The following BCAS3 variants were observed in gnomAD, a reference collection of about 807,000 sequenced individuals.
BCAS3 encodes BCAS3 microtubule associated cell migration factor, also known as BCAS4/BCAS3 fusion.
A neutral mutation model predicts 116.1 loss-of-function variants in BCAS3; 53 were observed. That is an observed-to-expected ratio of 0.46 (90% CI 0.37 to 0.57). The LOEUF (loss-of-function observed/expected upper bound fraction) is 0.57, where lower values mean the gene tolerates loss of function less well. Among genes scored for constraint, BCAS3 ranks in the 20% least tolerant of loss-of-function variants. The pLI, the probability that BCAS3 is intolerant of heterozygous loss-of-function variation, is 0.00. For missense variants in BCAS3, 917 were observed against 1,165.4 expected, an observed-to-expected ratio of 0.79 and a Z score of 3.10; for synonymous variants, 391 against 408.2, an observed-to-expected ratio of 0.96 and a Z score of 0.51.
rs1471983767 is a variant in BCAS3 at position 60,964,199 on chromosome 17, AG to A, written c.1221+16848del. Among the ~76,000 whole-genome samples, 2 of 152,072 alleles carry A rather than the reference AG, an allele frequency of 1.3e-5. No individual in the cohort carries two copies. Among genetic ancestry groups the A allele is most frequent in the African/African-American group, 4.8e-5 (2 of 41,412 alleles). ...TCATATATGGTCTTTATTATTTTGA[AG>A]TATGTTGTTTCTATACCCATTTTGA... is the stretch of plus-strand genomic sequence containing the variant. On this transcript the variant is annotated intron_variant, in intron 14 of 23. Transcript: ENST00000407086. The surrounding 1 kb of genome is among the most constrained non-coding windows in gnomAD (Gnocchi z 4.6).
In BCAS3 at chr17:61,199,984, T is replaced by A. The variant is rs2080728798; in HGVS notation, c.2425+115420T>A. Among the ~76,000 whole-genome samples, 1 of 152,186 alleles carries A rather than the reference T, an allele frequency of 6.6e-6. No homozygotes were observed. The highest frequency in any genetic ancestry group is 1.5e-5 in the Non-Finnish European group (1 of 68,028). On this transcript the variant is annotated intron_variant, in intron 22 of 23. Coordinates refer to ENST00000407086, the MANE Select transcript of BCAS3 (RefSeq NM_017679.5). The surrounding 1 kb of genome is among the most constrained non-coding windows in gnomAD (Gnocchi z 4.6). ...TCCACAACATTCAAGCCTTGTTATA[T>A]AAGGAAATTGGAAACACCAATTTTG...
rs1403095973 is a variant in BCAS3 at position 61,126,537 on chromosome 17, T to C, written c.2425+41973T>C. Among the ~76,000 whole-genome samples the C allele has an allele frequency of 2.0e-5, 3 of 152,350 alleles. No homozygotes were observed. The highest frequency in any genetic ancestry group is 4.4e-5 in the Non-Finnish European group (3 of 68,022). ...GCCCACCCAAGGATTATGTCTGTTT[T>C]ATAAAGATGTGTTTATATAGTCATT... On this transcript the variant is annotated intron_variant, in intron 22 of 23. Coordinates refer to ENST00000407086, the MANE Select transcript of BCAS3 (RefSeq NM_017679.5). This position sits in a 1 kb window ranked among gnomAD's most constrained non-coding sequence, Gnocchi z 4.6.
Position 61,017,319 on chromosome 17 carries a change from T to C in BCAS3, c.1637+1418T>C, listed in dbSNP as rs1266289496. 6.6e-6 allele frequency among the ~76,000 whole-genome samples: 1 copy of C among 152,158 alleles called. No individual in the cohort carries two copies. Among genetic ancestry groups the C allele is most frequent in the Non-Finnish European group, 1.5e-5 (1 of 68,006 alleles). On this transcript the variant is annotated intron_variant, in intron 16 of 23. Transcript: ENST00000407086. This position sits in a 1 kb window ranked among gnomAD's most constrained non-coding sequence, Gnocchi z 4.7. The stretch of plus-strand genomic sequence containing the variant: ...TGGGACTAAATCTGGAATCATAACT[T>C]TAAAGTTTCTTTTTTACTTACTGAA...
chr17:61,314,378 G>GCCAGAAAGGGAA (rs2054567881), intron 22 of BCAS3, among the ~76,000 whole-genome samples: 1 of 152,214 alleles, frequency 6.6e-6, no homozygotes, highest in African/African-American at 2.4e-5. Flanking sequence ...AAGTACAGAT[G>GCCAGAAAGGGAA]CCAGAAAGGG....
chr17:60,875,641 G>A (rs905400494), intron 9 of BCAS3, among the ~76,000 whole-genome samples: 14 of 151,898 alleles, frequency 9.2e-5, no homozygotes, highest in Middle Eastern at 3.2e-3. Flanking sequence ...TGTGTTTTTA[G>A]TCATCTTAAA....
At position 61,126,709 on chromosome 17, in the gene BCAS3, A is replaced by G. The variant is rs2076063948; in HGVS notation, c.2425+42145A>G. Among the ~76,000 whole-genome samples, 1 of 152,118 alleles carries G rather than the reference A, an allele frequency of 6.6e-6. No individual in the cohort carries two copies. Among genetic ancestry groups the G allele is most frequent in the African/African-American group, 2.4e-5 (1 of 41,408 alleles). ...CTGGGAAATGTATCCTTGGACTGAA[A>G]ATTGCATCCGGAAAAATGTTTATGT... On this transcript the variant is annotated intron_variant, in intron 22 of 23. Coordinates refer to ENST00000407086, the MANE Select transcript of BCAS3 (RefSeq NM_017679.5). The surrounding 1 kb of genome is among the most constrained non-coding windows in gnomAD (Gnocchi z 4.6).
rs2144831625 is a variant in BCAS3 at position 61,323,893 on chromosome 17, C to T, written c.2426-44434C>T. Among the ~76,000 whole-genome samples, 1 of 152,372 alleles carries T rather than the reference C, an allele frequency of 6.6e-6. No homozygotes were observed. The highest frequency in any genetic ancestry group is 2.4e-5 in the African/African-American group (1 of 41,586). On this transcript the variant is annotated intron_variant, in intron 22 of 23. Coordinates refer to ENST00000407086, the MANE Select transcript of BCAS3 (RefSeq NM_017679.5). The surrounding 1 kb of genome is among the most constrained non-coding windows in gnomAD (Gnocchi z 4.6). ...TTGGCTCCGTGTTTCTCGTCTTTCC[C>T]AGACGCTTCTTCCCTTCTTGTTTGC...
At chr17:61,045,045 G>T (rs2067916925) in intron 19 of BCAS3, among the ~76,000 whole-genome samples, 2 of 151,960 alleles carry the variant, frequency 1.3e-5, no homozygotes, top group South Asian at 4.1e-4. Flanking sequence ...ACAGGCATGA[G>T]CCACTGTGCC....
chr17:60,711,436 TTTGCTTCATTATGCTGTTTG>T (rs2037916803), intron 5 of BCAS3, among the ~76,000 whole-genome samples: 2 of 151,814 alleles, frequency 1.3e-5, no homozygotes, highest in African/African-American at 4.9e-5. Flanking sequence ...GAGACTACAT[TTTGCTTCATTATGCTGTTTG>T]TTGACAGTAC....
intron 6 of BCAS3, among the ~76,000 whole-genome samples, chr17:60,805,606 C>T (rs58413314): frequency 0.28 from 42,937 of 151,906 alleles, 11,650 homozygotes; most frequent in African/African-American, 0.72. Context: ...GGCAGGAGGA[C>T]TGCTTGAACT....
chr17:61,195,361 A>G (rs1270694791), intron 22 of BCAS3, among the ~76,000 whole-genome samples: 2 of 151,564 alleles, frequency 1.3e-5, no homozygotes, highest in African/African-American at 2.4e-5. Context: ...TACTCTCCCT[A>G]TTTCCTTTTA....
chr17:61,373,113 C>T (rs958948409), intron 23 of BCAS3, among the ~76,000 whole-genome samples: 5 of 148,754 alleles, frequency 3.4e-5, no homozygotes, highest in South Asian at 2.1e-4. Context: ...TTTTCTGAGA[C>T]GGAGTTTCGC....
chr17:60,736,668 G>A (rs78300649), intron 5 of BCAS3, among the ~76,000 whole-genome samples: 32 of 152,230 alleles, frequency 2.1e-4, no homozygotes, highest in African/African-American at 7.5e-4. Flanking sequence ...TATTTTGGAA[G>A]GTTATTAATT....
In BCAS3 at chr17:61,095,688, A is replaced by G. The variant is rs2073921384; in HGVS notation, c.2425+11124A>G. On this transcript the variant is annotated intron_variant, in intron 22 of 23. Transcript: ENST00000407086. The surrounding 1 kb of genome is among the most constrained non-coding windows in gnomAD (Gnocchi z 4.7). ...CACCATGTTGGCCAGGCTGGTCTTG[A>G]ACTTCTGAGCTCAAGTGATCTGCCC... 6.6e-6 allele frequency among the ~76,000 whole-genome samples: 1 copy of G among 152,044 alleles called. No homozygotes were observed. The highest frequency in any genetic ancestry group is 1.5e-5 in the Non-Finnish European group (1 of 68,016).
At chr17:61,345,559 G>T (rs188476068) in intron 22 of BCAS3, among the ~76,000 whole-genome samples, 4 of 152,104 alleles carry the variant, frequency 2.6e-5, no homozygotes, top group Non-Finnish European at 2.9e-5. Context: ...AGCAGGGAGC[G>T]CCTAGCTGTT....
At chr17:60,936,929 T>C (rs569084376) in intron 13 of BCAS3, among the ~76,000 whole-genome samples, 1 of 152,340 alleles carries the variant, frequency 6.6e-6, no homozygotes, top group East Asian at 1.9e-4. Flanking sequence ...CATGAAGTCT[T>C]TGCCCATGCC....
intron 22 of BCAS3, among the ~76,000 whole-genome samples, chr17:61,137,442 C>A (rs2076703655): frequency 6.6e-6 from 1 of 152,206 alleles, no homozygotes; most frequent in Non-Finnish European, 1.5e-5. Context: ...TGAGCAATTT[C>A]TAAATAATGG....
In BCAS3 at chr17:60,963,555, A is replaced by AT. The variant is rs148722954; in HGVS notation, c.1221+16221dup. 3.6e-3 allele frequency among the ~76,000 whole-genome samples: 452 copies of AT among 126,032 alleles called. 1 individual carries two copies. The highest frequency in any genetic ancestry group is 6.7e-3 in the South Asian group (28 of 4,166). The allele number at this position is 126,032 out of a possible 152,430, so 82.7% of individuals were successfully genotyped here. On this transcript the variant is annotated intron_variant, in intron 14 of 23. Transcript: ENST00000407086. ...CTGTTGATGTATATAAATGCTATCG[A>AT]TTTTTTTTTTTTTTTTTTGAGATGG...
At chr17:61,242,711 TAA>T (rs2047622076) in intron 22 of BCAS3, among the ~76,000 whole-genome samples, 1 of 152,212 alleles carries the variant, frequency 6.6e-6, no homozygotes, top group East Asian at 1.9e-4. Flanking sequence ...TTTGCTTACA[TAA>T]GTTTATTCTT....
Sources: allele counts gnomAD v4.1 joint callset (sites outside exome capture counted in the v4.1 genomes callset), GRCh38; gene constraint gnomAD v4.1.1; non-coding constraint Gnocchi (gnomAD v3.1); transcripts MANE v1.5; gene names NCBI Gene and HGNC (gene_info 2026-07-23, HGNC 2026-07-21).